Variants in CDH18 observed in about 807,000 individuals in gnomAD.
CDH18 encodes cadherin-18.
In CDH18, 31 loss-of-function variants were observed where a neutral mutation model predicts 67.9. The observed-to-expected ratio is 0.46, with a 90% confidence interval of 0.34 to 0.62. CDH18 has a LOEUF of 0.62. Among genes scored for constraint, CDH18 ranks in the 20% least tolerant of loss-of-function variants. The pLI, the probability that CDH18 is intolerant of heterozygous loss-of-function variation, is 0.01. For synonymous variants in CDH18, 362 were observed against 347.2 expected (o/e 1.04, Z -0.48); for missense variants, 890 against 975.5 (o/e 0.91, Z 1.17).
chr5:20,429,825 C>T (rs562563682), intron 1 of CDH18, among the ~76,000 whole-genome samples: 1 of 152,292 alleles, frequency 6.6e-6, no homozygotes, highest in Non-Finnish European at 1.5e-5. Flanking sequence ...TTTTACTCCA[C>T]TCTAATTCCA....
intron 3 of CDH18, among the ~76,000 whole-genome samples, chr5:19,755,444 T>C (rs1261841485): frequency 0.31 from 5,764 of 18,638 alleles, 831 homozygotes; most frequent in East Asian, 0.45. Context: ...TATATATATA[T>C]ATATATATAT....
At chr5:20,060,125 A>T (rs554695609) in intron 2 of CDH18, among the ~76,000 whole-genome samples, 93 of 152,160 alleles carry the variant, frequency 6.1e-4, no homozygotes, top group African/African-American at 2.2e-3. Context: ...AAAATATAAT[A>T]AAAAAAACTT....
intron 2 of CDH18, among the ~76,000 whole-genome samples, chr5:20,161,799 GTTA>G (rs1449729191): frequency 2.0e-5 from 3 of 152,102 alleles, no homozygotes; most frequent in Non-Finnish European, 4.4e-5. Context: ...TTTATTCAGG[GTTA>G]TTTGTATTTG....
intron 5 of CDH18, among the ~76,000 whole-genome samples, chr5:19,709,774 A>G (rs1764478553): frequency 6.6e-6 from 1 of 152,184 alleles, no homozygotes; most frequent in Non-Finnish European, 1.5e-5. Context: ...AGTTAGGCAC[A>G]TAAGACCAAA....
chr5:19,860,344 A>G (rs1313080871), intron 2 of CDH18, among the ~76,000 whole-genome samples: 1 of 150,684 alleles, frequency 6.6e-6, no homozygotes, highest in Non-Finnish European at 1.5e-5. Flanking sequence ...TTCATTCTAC[A>G]TCTCCAAATC....
At chr5:20,327,730 A>G (rs190101541) in intron 1 of CDH18, among the ~76,000 whole-genome samples, 35 of 152,236 alleles carry the variant, frequency 2.3e-4, no homozygotes, top group African/African-American at 8.4e-4. Flanking sequence ...GGGACTTAGA[A>G]AGTAATAGGA....
At position 19,942,431 on chromosome 5, in the gene CDH18, T is replaced by C. The variant is rs376388423; in HGVS notation, c.-257+38629A>G. ...TAGAAGTGTCTCTTTGATTCTCAATTCATATACAAATAAAATATCCTTTTG... is the reference window on the plus strand; with the variant it reads ...TAGAAGTGTCTCTTTGATTCTCAATCCATATACAAATAAAATATCCTTTTG... On this transcript the variant is annotated intron_variant, in intron 2 of 12. Transcript: ENST00000382275. Among the ~76,000 whole-genome samples the C allele has an allele frequency of 6.0e-4, 91 of 152,328 alleles. No homozygotes were observed. The South Asian group carries it at 0.016, about 27-fold the overall frequency.
intron 2 of CDH18, among the ~76,000 whole-genome samples, chr5:20,197,461 A>G (rs1056054452): frequency 2.0e-5 from 3 of 152,226 alleles, no homozygotes; most frequent in African/African-American, 7.2e-5. Flanking sequence ...TCTAATTTTA[A>G]GTGTTATACG....
At chr5:20,149,770 C>A (rs527560422) in intron 2 of CDH18, among the ~76,000 whole-genome samples, 1 of 152,196 alleles carries the variant, frequency 6.6e-6, no homozygotes, top group South Asian at 2.1e-4. Context: ...CTAGTATGAT[C>A]TTTGCTGTCC....
In CDH18 at chr5:20,477,512, C is replaced by A. The variant is rs146450723; in HGVS notation, c.-580+97950G>T. On this transcript the variant is annotated intron_variant, in intron 1 of 14. Coordinates refer to the CDH18 transcript ENST00000507958. ...GTGATTGTGAGGCTTTGCATTGTAACTTAGTGCTTCCCTGTCACAGCAAAA... is the reference window on the plus strand; with the variant it reads ...GTGATTGTGAGGCTTTGCATTGTAAATTAGTGCTTCCCTGTCACAGCAAAA... Among the ~76,000 whole-genome samples the A allele has an allele frequency of 4.1e-3, 619 of 152,276 alleles. 1 individual carries two copies. Among genetic ancestry groups the A allele is most frequent in the Non-Finnish European group, 6.9e-3 (470 of 68,020 alleles).
chr5:19,801,719 T>A (rs1029857384), intron 3 of CDH18, among the ~76,000 whole-genome samples: 1 of 152,232 alleles, frequency 6.6e-6, no homozygotes, highest in Admixed American at 6.5e-5. Context: ...GTTTTCAACA[T>A]TCTTTACAGA....
At chr5:19,653,371 G>A (rs980500704) in intron 5 of CDH18, among the ~76,000 whole-genome samples, 1 of 151,836 alleles carries the variant, frequency 6.6e-6, no homozygotes, top group Non-Finnish European at 1.5e-5. Flanking sequence ...GGGAGGATTT[G>A]CTAAAAGCTG....
chr5:20,419,206 C>T (rs1484181398), intron 1 of CDH18, among the ~76,000 whole-genome samples: 1 of 152,014 alleles, frequency 6.6e-6, no homozygotes, highest in African/African-American at 2.4e-5. Context: ...TTGCCTCGGC[C>T]AGGAGAGAAG....
chr5:19,823,563 G>A (rs528625453), intron 3 of CDH18, among the ~76,000 whole-genome samples: 233 of 152,156 alleles, frequency 1.5e-3, no homozygotes, highest in African/African-American at 5.5e-3. Context: ...CTCAATATTG[G>A]AGCATAGAGA....
chr5:19,857,719 T>C lies in CDH18; in HGVS notation c.-256-18477A>G, dbSNP rs147621189. Among the ~76,000 whole-genome samples the C allele has an allele frequency of 5.5e-3, 840 of 152,212 alleles. 7 individuals carry two copies. The highest frequency in any genetic ancestry group is 0.019 in the African/African-American group (807 of 41,538). On this transcript the variant is annotated intron_variant, in intron 2 of 12. Coordinates refer to ENST00000382275, the MANE Select transcript of CDH18 (RefSeq NM_004934.5). ...ACTAAGGTATCAACAACAGAATATATGTTAATAAGGCAATTTCCAAATTCC... is the reference window on the plus strand; with the variant it reads ...ACTAAGGTATCAACAACAGAATATACGTTAATAAGGCAATTTCCAAATTCC...
At chr5:19,598,920 T>C (rs1303012175) in intron 6 of CDH18, among the ~76,000 whole-genome samples, 1 of 152,146 alleles carries the variant, frequency 6.6e-6, no homozygotes, top group African/African-American at 2.4e-5. Flanking sequence ...AAATTTGTAT[T>C]TATAACAAAG....
At chr5:20,370,038 A>G (rs1457109325) in intron 1 of CDH18, among the ~76,000 whole-genome samples, 1 of 152,130 alleles carries the variant, frequency 6.6e-6, no homozygotes. Flanking sequence ...ATTTTTATTA[A>G]TATCTTTTAT....
intron 2 of CDH18, among the ~76,000 whole-genome samples, chr5:19,932,668 T>C (rs1241106322): frequency 1.3e-5 from 2 of 151,752 alleles, no homozygotes; most frequent in Non-Finnish European, 3.0e-5. Flanking sequence ...AATCTTTATC[T>C]GTCCCTGACC....
At chr5:20,354,366 T>C (rs757945221) in intron 1 of CDH18, among the ~76,000 whole-genome samples, 1 of 152,232 alleles carries the variant, frequency 6.6e-6, no homozygotes, top group Admixed American at 6.5e-5. Context: ...GAAAGCATGC[T>C]TTAATTATGT....
Sources: gnomAD v4.1 joint callset for allele counts (sites outside exome capture counted in the v4.1 genomes callset) on GRCh38, gnomAD v4.1.1 for gene constraint, MANE v1.5 for transcripts, NCBI Gene and HGNC (gene_info 2026-07-23, HGNC 2026-07-21) for gene names.